The following CTNNBL1 variants were observed in gnomAD, a reference collection of about 807,000 sequenced individuals.
CTNNBL1 encodes catenin beta like 1.
CTNNBL1 carries 31 observed loss-of-function variants against 72.7 expected under a neutral mutation model. The observed-to-expected ratio is 0.43, with a 90% CI of 0.32 to 0.58. The LOEUF (loss-of-function observed/expected upper bound fraction) is 0.58, where lower values mean the gene tolerates loss of function less well. CTNNBL1 is among the 20% of genes least tolerant of loss of function. CTNNBL1 has a pLI of 0.08. For missense variants in CTNNBL1, 534 were observed against 725.1 expected (o/e 0.74, Z 3.03); for synonymous variants, 240 against 267.3 (o/e 0.90, Z 1.00).
chr20:37,872,047 C>T lies in CTNNBL1; in HGVS notation c.*34C>T, dbSNP rs1410762803. The T allele has an allele frequency of 7.8e-6, 12 of 1,530,080 alleles. No homozygotes were observed. Among genetic ancestry groups the T allele is most frequent in the Non-Finnish European group, 1.1e-5 (12 of 1,103,612 alleles). The allele number at this position is 1,530,080 out of a possible 1,614,324, so 94.8% of individuals were successfully genotyped here. On this transcript the variant is annotated 3_prime_UTR_variant, in exon 16 of 16. Transcript: ENST00000361383. ...TGGCCCTGCGCATCATGGACTCTCT[C>T]AGCTTCCCTCCCAGGATCAGTTTCT...
chr20:37,751,581 C>T (rs1469632509), intron 4 of CTNNBL1: 1 of 152,160 alleles, frequency 6.6e-6, no homozygotes, highest in Non-Finnish European at 1.5e-5. Context: ...TTTAGACCAA[C>T]AGGGATCAAC....
chr20:37,827,741 T>C (rs1284462292), intron 11 of CTNNBL1, among the ~76,000 whole-genome samples: 2 of 152,206 alleles, frequency 1.3e-5, no homozygotes, highest in South Asian at 2.1e-4. Flanking sequence ...TCTCCTCCAG[T>C]GTACATCCCT....
chr20:37,787,156 T>C (rs2122706781), intron 10 of CTNNBL1, among the ~76,000 whole-genome samples: 1 of 151,320 alleles, frequency 6.6e-6, no homozygotes, highest in South Asian at 2.1e-4. Flanking sequence ...AGGATTCCAC[T>C]ATGTTGCCCA....
At chr20:37,823,762 G>A (rs149977809) in intron 11 of CTNNBL1, among the ~76,000 whole-genome samples, 1 of 152,172 alleles carries the variant, frequency 6.6e-6, no homozygotes, top group Non-Finnish European at 1.5e-5. Context: ...CACCAGGGTA[G>A]GTTGATGCTT....
At chr20:37,720,609 T>C (rs2073032120) in intron 1 of CTNNBL1, among the ~76,000 whole-genome samples, 1 of 152,212 alleles carries the variant, frequency 6.6e-6, no homozygotes, top group Admixed American at 6.5e-5. Flanking sequence ...ACGAGAATCT[T>C]AGAGGTCTAA....
chr20:37,775,979 A>G (rs2073570143), intron 7 of CTNNBL1, among the ~76,000 whole-genome samples: 1 of 152,158 alleles, frequency 6.6e-6, no homozygotes, highest in Admixed American at 6.5e-5. Flanking sequence ...ACATAATTTG[A>G]GTGGGAAATT....
intron 13 of CTNNBL1, among the ~76,000 whole-genome samples, chr20:37,842,624 G>A (rs567004723): frequency 5.3e-5 from 8 of 152,288 alleles, no homozygotes; most frequent in Admixed American, 3.3e-4. Flanking sequence ...TATGTGTAGC[G>A]TCCATCCAGG....
intron 1 of CTNNBL1, among the ~76,000 whole-genome samples, chr20:37,713,451 CTTATT>C (rs1310362443): frequency 1.3e-5 from 2 of 152,166 alleles, no homozygotes; most frequent in Non-Finnish European, 2.9e-5. Context: ...TTGAGGAAGT[CTTATT>C]TTAATTAAAA....
chr20:37,694,234 C>T (rs1161178659), intron 1 of CTNNBL1, 82 bp downstream of exon 1: 11 of 1,267,482 alleles, frequency 8.7e-6, no homozygotes, highest in Admixed American at 3.2e-5. Context: ...CATCTCACCT[C>T]CTCTCGCCTC....
intron 11 of CTNNBL1, among the ~76,000 whole-genome samples, chr20:37,824,528 T>C (rs925678424): frequency 1.6e-4 from 25 of 152,166 alleles, no homozygotes; most frequent in Non-Finnish European, 3.5e-4. Context: ...ACCTACTGGA[T>C]TAGTGTATCA....
At chr20:37,782,847 TAA>T (rs968325486) in intron 10 of CTNNBL1, among the ~76,000 whole-genome samples, 18 of 152,158 alleles carry the variant, frequency 1.2e-4, no homozygotes, top group Non-Finnish European at 2.4e-4. Flanking sequence ...TTCTCATACT[TAA>T]GTTTGTCCAA....
intron 1 of CTNNBL1, among the ~76,000 whole-genome samples, chr20:37,697,476 A>T (rs1162060826): frequency 6.6e-6 from 1 of 152,190 alleles, no homozygotes; most frequent in African/African-American, 2.4e-5. Context: ...GACCAGAAAG[A>T]GGATCTATGT....
At chr20:37,860,159 A>C in intron 14 of CTNNBL1, 113 bp from the exon 15 acceptor site, 1 of 1,477,944 alleles carries the variant, frequency 6.8e-7, no homozygotes. Context: ...TTTACTCTAC[A>C]TCAGCCTTTT....
intron 1 of CTNNBL1, among the ~76,000 whole-genome samples, chr20:37,710,692 C>A (rs538145160): frequency 1.3e-5 from 2 of 152,216 alleles, no homozygotes; most frequent in South Asian, 4.2e-4. Context: ...GTGGGGTGCT[C>A]CTTTCTTTCA....
At chr20:37,798,348 A>G (rs1159376052) in intron 10 of CTNNBL1, among the ~76,000 whole-genome samples, 2 of 152,252 alleles carry the variant, frequency 1.3e-5, no homozygotes, top group African/African-American at 4.8e-5. Flanking sequence ...AATAGGGAGC[A>G]GTGGATGACT....
intron 1 of CTNNBL1, among the ~76,000 whole-genome samples, chr20:37,713,535 T>A (rs2072958074): frequency 6.6e-6 from 1 of 152,230 alleles, no homozygotes; most frequent in Admixed American, 6.5e-5. Flanking sequence ...ACTTTCTGAT[T>A]GCTGAATGTA....
intron 1 of CTNNBL1, 57 bp downstream of exon 1, chr20:37,694,209 G>A (rs1204550842): frequency 1.2e-5 from 18 of 1,480,236 alleles, no homozygotes; most frequent in Middle Eastern, 1.8e-4. Context: ...GGGGTCGCAG[G>A]AGCCAGAGCC....
chr20:37,860,333 A>C lies in CTNNBL1; in HGVS notation c.1592A>C (p.His531Pro). 6.2e-7 allele frequency: 1 copy of C among 1,613,692 alleles called. No homozygotes were observed. Among genetic ancestry groups the C allele is most frequent in the South Asian group, 1.1e-5 (1 of 91,068 alleles). The stretch of plus-strand genomic sequence containing the variant: ...GGAAGCTCCATCAAAATTGTCAGGC[A>C]TATCATCAAGGGTGAGTTGGATGCT... ...MRGSSIKIVR[H>P]IIKEYAENIG... The change falls in exon 15 of 16, where the codon CAT becomes CCT. Residue 531 changes from histidine to proline, a missense_variant. Coordinates refer to ENST00000361383, the MANE Select transcript of CTNNBL1 (RefSeq NM_030877.5).
chr20:37,739,654 T>C (rs1218529597), intron 3 of CTNNBL1, among the ~76,000 whole-genome samples: 1 of 152,246 alleles, frequency 6.6e-6, no homozygotes, highest in Admixed American at 6.5e-5. Context: ...TCTTGTGTTC[T>C]TGCCCACAAT....
Sources: gnomAD v4.1 joint callset for allele counts (sites outside exome capture counted in the v4.1 genomes callset) on GRCh38, gnomAD v4.1.1 for gene constraint, MANE v1.5 for transcripts, NCBI Gene and HGNC (gene_info 2026-07-23, HGNC 2026-07-21) for gene names.